The following ANK2 variants were observed in gnomAD, a reference collection of about 807,000 sequenced individuals.
ANK2 encodes ankyrin 2, also known as ankyrin-2.
Under a neutral mutation model 360.5 loss-of-function variants are expected in ANK2, and 83 were observed. The ratio of observed to expected loss-of-function variants is 0.23; its 90% CI spans 0.19 to 0.28. The LOEUF is 0.28. Among genes scored for constraint, ANK2 ranks in the 10% least tolerant of loss-of-function variants. ANK2 has a pLI of 1.00. For missense variants in ANK2, 4,201 were observed against 4,795.7 expected (o/e 0.88, Z 3.66); for synonymous variants, 1,740 against 1,759.5 (o/e 0.99, Z 0.28).
chr4:112,918,341 G>A (rs1320992017), intron 2 of ANK2, among the ~76,000 whole-genome samples: 1 of 151,982 alleles, frequency 6.6e-6, no homozygotes. Flanking sequence ...AATAATTCAG[G>A]TTATGAAAGC....
intron 2 of ANK2, among the ~76,000 whole-genome samples, chr4:113,002,258 C>A (rs183225161): frequency 0.02 from 3,038 of 152,240 alleles, 46 homozygotes; most frequent in Non-Finnish European, 0.034. Flanking sequence ...AAGACACATG[C>A]ACACGTATGT....
intron 20 of ANK2, among the ~76,000 whole-genome samples, chr4:113,290,178 T>C (rs3025717): frequency 6.6e-6 from 1 of 151,930 alleles, no homozygotes; most frequent in Admixed American, 6.6e-5. Flanking sequence ...TTTGTTTTTT[T>C]TTTTTTAAGT....
At chr4:112,938,165 C>A (rs2093912553) in intron 2 of ANK2, among the ~76,000 whole-genome samples, 1 of 152,124 alleles carries the variant, frequency 6.6e-6, no homozygotes, top group African/African-American at 2.4e-5. Context: ...GAGTTTAAAT[C>A]ATTTCATCTT....
chr4:112,729,175 G>A, the ANK2 span, among the ~76,000 whole-genome samples: 2 of 151,362 alleles, frequency 1.3e-5, no homozygotes, highest in Non-Finnish European at 2.9e-5. Flanking sequence ...TCCAGCCTGG[G>A]TGACAAAGGG....
intron 2 of ANK2, among the ~76,000 whole-genome samples, chr4:112,960,227 A>C (rs1253881363): frequency 1.3e-5 from 2 of 152,154 alleles, no homozygotes; most frequent in African/African-American, 4.8e-5. Context: ...GAGGACCTGC[A>C]TATATTCATA....
intron 1 of ANK2, among the ~76,000 whole-genome samples, chr4:113,155,389 C>T (rs2097249180): frequency 6.6e-6 from 1 of 152,138 alleles, no homozygotes; most frequent in African/African-American, 2.4e-5. Flanking sequence ...AAAGGCAGTT[C>T]TAAGTCCATT....
chr4:113,040,269 G>T (rs1404894465), intron 2 of ANK2, among the ~76,000 whole-genome samples: 1 of 152,000 alleles, frequency 6.6e-6, no homozygotes, highest in African/African-American at 2.4e-5. Context: ...CTAAAATATT[G>T]TTGCTGATAT....
intron 32 of ANK2, 121 bp downstream of exon 32, chr4:113,339,443 G>A (rs943304379): frequency 4.6e-5 from 37 of 811,552 alleles, no homozygotes; most frequent in East Asian, 8.0e-5. Flanking sequence ...TTTAAATATG[G>A]TCTGCCTTTG....
intron 1 of ANK2, among the ~76,000 whole-genome samples, chr4:112,902,373 A>G (rs2083722506): frequency 6.6e-6 from 1 of 152,202 alleles, no homozygotes; most frequent in Non-Finnish European, 1.5e-5. Flanking sequence ...TATGTTCCAC[A>G]TTGTTGTGTG....
At chr4:112,894,354 T>C (rs572504160) in intron 1 of ANK2, among the ~76,000 whole-genome samples, 70 of 152,292 alleles carry the variant, frequency 4.6e-4, no homozygotes, top group African/African-American at 1.5e-3. Context: ...TTAAGGAGAT[T>C]AAAATTATTG....
intron 18 of ANK2, among the ~76,000 whole-genome samples, chr4:113,285,145 T>G (rs1307029782): frequency 6.6e-6 from 1 of 152,102 alleles, no homozygotes; most frequent in African/African-American, 2.4e-5. Context: ...GAAAAGTTTT[T>G]TTTTTTTTTC....
At chr4:112,837,547 T>A (rs1265440366) in intron 1 of ANK2, among the ~76,000 whole-genome samples, 1 of 152,206 alleles carries the variant, frequency 6.6e-6, no homozygotes, top group Non-Finnish European at 1.5e-5. Context: ...TTGCACTGTG[T>A]GCCTGGAAAA....
intron 2 of ANK2, among the ~76,000 whole-genome samples, chr4:112,924,956 A>T (rs1307213244): frequency 2.0e-5 from 3 of 150,820 alleles, no homozygotes. Context: ...CTACTGCCTC[A>T]GCCTCCTGAG....
At chr4:113,347,334 T>C (rs2094972755) in intron 35 of ANK2, among the ~76,000 whole-genome samples, 1 of 152,160 alleles carries the variant, frequency 6.6e-6, no homozygotes, top group Non-Finnish European at 1.5e-5. Context: ...ATGAGCATAA[T>C]TTCATTGTAT....
chr4:112,734,295 G>A, the ANK2 span, among the ~76,000 whole-genome samples: 2 of 152,188 alleles, frequency 1.3e-5, no homozygotes, highest in Admixed American at 6.5e-5. Context: ...AAGGAACTGA[G>A]CTCCCTAGCT....
the ANK2 span, among the ~76,000 whole-genome samples, chr4:112,716,344 A>G: frequency 6.6e-6 from 1 of 152,020 alleles, no homozygotes; most frequent in African/African-American, 2.4e-5. Context: ...AGTCCCTCCA[A>G]CCTTGGCCTC....
chr4:112,783,216 C>G, the ANK2 span, among the ~76,000 whole-genome samples: 1 of 152,134 alleles, frequency 6.6e-6, no homozygotes, highest in Non-Finnish European at 1.5e-5. Flanking sequence ...GCCTAAATAG[C>G]TTTTCTAGGG....
At chr4:113,043,924 C>A (rs1055625967) in intron 2 of ANK2, among the ~76,000 whole-genome samples, 5 of 152,034 alleles carry the variant, frequency 3.3e-5, no homozygotes, top group Admixed American at 2.0e-4. Flanking sequence ...TGCTACCCAC[C>A]CCTAATAAAC....
chr4:113,005,357 A>C (rs958687925), intron 2 of ANK2, among the ~76,000 whole-genome samples: 1 of 152,232 alleles, frequency 6.6e-6, no homozygotes, highest in Non-Finnish European at 1.5e-5. Flanking sequence ...TCAAGGAAAG[A>C]ATGGATAAAG....
Sources: gnomAD v4.1 joint callset for allele counts (sites outside exome capture counted in the v4.1 genomes callset) on GRCh38, gnomAD v4.1.1 for gene constraint, MANE v1.5 for transcripts, NCBI Gene and HGNC (gene_info 2026-07-23, HGNC 2026-07-21) for gene names.